The following NPAS3 variants were observed in gnomAD, a reference collection of about 807,000 sequenced individuals.
NPAS3 encodes the protein neuronal PAS domain-containing protein 3.
In NPAS3, 14 loss-of-function variants were observed where a neutral mutation model predicts 73.1. The observed-to-expected ratio is 0.19, with a 90% CI of 0.13 to 0.30. The LOEUF (loss-of-function observed/expected upper bound fraction) is 0.30, where lower values mean the gene tolerates loss of function less well. NPAS3 is among the 10% of genes least tolerant of loss of function. The pLI, the probability that NPAS3 is intolerant of heterozygous loss-of-function variation, is 1.00. For synonymous variants in NPAS3, 620 were observed against 541.5 expected, an observed-to-expected ratio of 1.14 and a Z score of -2.01; for missense variants, 1,096 against 1,250.0, an observed-to-expected ratio of 0.88 and a Z score of 1.86.
intron 9 of NPAS3, among the ~76,000 whole-genome samples, chr14:33,788,548 T>C (rs1471920315): frequency 1.3e-5 from 2 of 152,258 alleles, no homozygotes; most frequent in Non-Finnish European, 2.9e-5. Context: ...TGAATTAGAC[T>C]GCTTCCTTCT....
chr14:33,234,027 G>A (rs548873801), intron 3 of NPAS3, among the ~76,000 whole-genome samples: 28 of 152,150 alleles, frequency 1.8e-4, no homozygotes, highest in East Asian at 7.7e-4. Context: ...GATAAAGCAC[G>A]AGTGGAAAAG....
chr14:33,604,392 C>A (rs2057492382), intron 5 of NPAS3, among the ~76,000 whole-genome samples: 2 of 151,802 alleles, frequency 1.3e-5, no homozygotes, highest in Non-Finnish European at 2.9e-5. Context: ...GATTTCAGAT[C>A]AAAGAATATA....
chr14:33,545,417 G>A lies in NPAS3; in HGVS notation c.469-14704G>A, dbSNP rs183960162. Among the ~76,000 whole-genome samples the A allele has an allele frequency of 3.3e-3, 504 of 152,236 alleles. 2 individuals carry two copies. The highest frequency in any genetic ancestry group is 6.0e-3 in the Non-Finnish European group (410 of 68,018). ...ACCTGCTGTACGATGACACTTTTAC[G>A]TGTGTTAACTCCAATCATCTCAACA... is the stretch of plus-strand genomic sequence containing the variant. On this transcript the variant is annotated intron_variant, in intron 4 of 11. Coordinates refer to ENST00000356141, the Ensembl canonical transcript of NPAS3.
chr14:33,558,656 A>G lies in NPAS3; in HGVS notation c.469-1465A>G, dbSNP rs116768455. 6.7e-3 allele frequency among the ~76,000 whole-genome samples: 1,013 copies of G among 151,772 alleles called. 13 individuals are homozygous for G. The highest frequency in any genetic ancestry group is 0.023 in the African/African-American group (950 of 41,456). ...TACACATATATATATAAGAATATAT[A>G]TAATATACATTCCCCCAAAATTCAG... On this transcript the variant is annotated intron_variant, in intron 4 of 11. Coordinates refer to ENST00000356141, the Ensembl canonical transcript of NPAS3.
At chr14:33,464,078 C>T (rs903734263) in intron 4 of NPAS3, among the ~76,000 whole-genome samples, 3 of 152,166 alleles carry the variant, frequency 2.0e-5, no homozygotes, top group Non-Finnish European at 4.4e-5. Context: ...TTCCACTGTG[C>T]TCATTCACAC....
chr14:33,214,046 T>C (rs183144023), intron 2 of NPAS3: 1 of 152,328 alleles, frequency 6.6e-6, no homozygotes. Flanking sequence ...TCTCTCTTTC[T>C]TATTATTTCA....
At chr14:33,279,857 T>G (rs1171167310) in intron 3 of NPAS3, among the ~76,000 whole-genome samples, 1 of 152,148 alleles carries the variant, frequency 6.6e-6, no homozygotes, top group Non-Finnish European at 1.5e-5. Flanking sequence ...TTGCCAGTAT[T>G]TAACTCTTTT....
At chr14:33,564,612 A>G (rs1226408241) in intron 5 of NPAS3, among the ~76,000 whole-genome samples, 1 of 152,106 alleles carries the variant, frequency 6.6e-6, no homozygotes, top group African/African-American at 2.4e-5. Flanking sequence ...CTTCACCCAT[A>G]CTCACATCCT....
Position 33,778,599 on chromosome 14 carries a change from A to G in NPAS3, c.1153+27A>G, listed in dbSNP as rs749801737. ...TAAGTACCTCCTGTGTGGGGGAATA[A>G]CCCCGGCTGGTGTCAGCAATCTCTG... On this transcript the variant is annotated intron_variant, in intron 9 of 11. Transcript: ENST00000356141. 6.7e-6 allele frequency: 10 copies of G among 1,485,092 alleles called. No individual in the cohort carries two copies. The East Asian group carries it at 2.3e-4, about 34-fold the overall frequency. 92.0% of individuals were successfully genotyped at this position (1,485,092 alleles called of 1,614,324 possible). A position where few individuals can be genotyped will look rare whatever the true frequency, so the allele number is the denominator to read the frequency against.
intron 2 of NPAS3, among the ~76,000 whole-genome samples, chr14:33,100,118 G>A (rs1318290251): frequency 6.6e-6 from 1 of 152,174 alleles, no homozygotes; most frequent in Non-Finnish European, 1.5e-5. Flanking sequence ...AAGGTCTGAT[G>A]TGGTCAGGGC....
At position 33,511,664 on chromosome 14, in the gene NPAS3, T is replaced by C. The variant is rs1342124969; in HGVS notation, c.469-48457T>C. On this transcript the variant is annotated intron_variant, in intron 4 of 11. Transcript: ENST00000356141. ...AAATAAACAGAATCCTGCTCACTGG[T>C]AGGCAGTGAACTCTGCCAAGAATTT... is the stretch of plus-strand genomic sequence containing the variant. Among the ~76,000 whole-genome samples, 3 of 152,060 alleles carry C rather than the reference T, an allele frequency of 2.0e-5. No individual in the cohort carries two copies. The East Asian group carries it at 5.8e-4, about 29-fold the overall frequency.
intron 3 of NPAS3, among the ~76,000 whole-genome samples, chr14:33,328,843 A>G (rs1594703867): frequency 6.6e-6 from 1 of 152,076 alleles, no homozygotes; most frequent in East Asian, 1.9e-4. Context: ...GTATTTATAG[A>G]TATATATTTC....
intron 3 of NPAS3, among the ~76,000 whole-genome samples, chr14:33,262,981 T>G (rs1170941235): frequency 6.6e-6 from 1 of 152,166 alleles, no homozygotes; most frequent in Non-Finnish European, 1.5e-5. Context: ...TTTGTTTTTT[T>G]CTTGTAAATT....
intron 9 of NPAS3, among the ~76,000 whole-genome samples, chr14:33,780,205 C>T (rs1346615831): frequency 3.9e-5 from 6 of 152,176 alleles, no homozygotes; most frequent in Non-Finnish European, 8.8e-5. Context: ...CTTGATATTG[C>T]ACACCAGGGA....
At chr14:33,694,500 T>A (rs2060320238) in intron 6 of NPAS3, among the ~76,000 whole-genome samples, 1 of 152,196 alleles carries the variant, frequency 6.6e-6, no homozygotes, top group African/African-American at 2.4e-5. Flanking sequence ...TTCCCATTGG[T>A]ATTCTACACA....
At chr14:33,083,713 GGGTATCC>G in intron 2 of NPAS3, among the ~76,000 whole-genome samples, 1 of 149,372 alleles carries the variant, frequency 6.7e-6, no homozygotes, top group Non-Finnish European at 1.5e-5. Flanking sequence ...AATATTTGAA[GGGTATCC>G]AGTTTTACTC....
rs558817427 is a variant in NPAS3, at chr14:33,107,108, T to C, written c.140+51114T>C. ...ATTTATCAGGATGCAGCTGTGCATT[T>C]AACCAGACCCTTCTCTTGAGCTGAA... On this transcript the variant is annotated intron_variant, in intron 2 of 11. Coordinates refer to ENST00000356141, the Ensembl canonical transcript of NPAS3. Among the ~76,000 whole-genome samples, 70 of 149,970 alleles carry C rather than the reference T, an allele frequency of 4.7e-4. 1 individual carries two copies. Among genetic ancestry groups the C allele is most frequent in the African/African-American group, 1.7e-3 (68 of 39,748 alleles).
intron 1 of NPAS3, among the ~76,000 whole-genome samples, chr14:32,986,846 T>A (rs1255212094): frequency 6.6e-6 from 1 of 152,200 alleles, no homozygotes; most frequent in Admixed American, 6.5e-5. Flanking sequence ...GAGAAATGAA[T>A]GAGGCATGCA....
At chr14:33,450,513 C>T (rs1051198139) in intron 4 of NPAS3, among the ~76,000 whole-genome samples, 9 of 152,086 alleles carry the variant, frequency 5.9e-5, no homozygotes, top group African/African-American at 1.9e-4. Flanking sequence ...CTGAAAAAAA[C>T]ATCTGAGTCT....
Sources: gnomAD v4.1 joint callset for allele counts (sites outside exome capture counted in the v4.1 genomes callset) on GRCh38, gnomAD v4.1.1 for gene constraint, MANE v1.5 for transcripts, NCBI Gene and HGNC (gene_info 2026-07-23, HGNC 2026-07-21) for gene names.